The following FSHR variants were observed in gnomAD, a reference collection of about 807,000 sequenced individuals.
FSHR encodes the protein follicle stimulating hormone receptor.
In FSHR, 46 loss-of-function variants were observed where a neutral mutation model predicts 52.1. The observed-to-expected ratio is 0.88, with a 90% CI of 0.70 to 1.13. The LOEUF (loss-of-function observed/expected upper bound fraction) is 1.13, where lower values mean the gene tolerates loss of function less well. FSHR is among the 50% of genes most tolerant of loss of function. The probability of loss-of-function intolerance (pLI) is 0.00; values close to 1 mark genes in which losing one functional copy is unlikely to be tolerated. For missense variants in FSHR, 964 were observed against 834.6 expected (o/e 1.16, Z -1.91); for synonymous variants, 399 against 309.6 (o/e 1.29, Z -3.03).
chr2:49,136,869 A>T (rs1298625707), intron 1 of FSHR, among the ~76,000 whole-genome samples: 1 of 152,128 alleles, frequency 6.6e-6, no homozygotes, highest in Admixed American at 6.6e-5. Flanking sequence ...CCGCAGTCTG[A>T]TAAAAAGTCA....
At chr2:49,034,486 C>G (rs1205816144) in intron 2 of FSHR, among the ~76,000 whole-genome samples, 1 of 152,204 alleles carries the variant, frequency 6.6e-6, no homozygotes, top group Admixed American at 6.5e-5. Flanking sequence ...TTTCCACTTG[C>G]TTATTAGTAG....
intron 1 of FSHR, among the ~76,000 whole-genome samples, chr2:49,138,970 G>T (rs1332610537): frequency 6.6e-6 from 1 of 152,124 alleles, no homozygotes; most frequent in African/African-American, 2.4e-5. Context: ...GTAGTGGGAG[G>T]TCGTCTGTGC....
intron 1 of FSHR, among the ~76,000 whole-genome samples, chr2:49,114,797 T>TG (rs1261774812): frequency 6.6e-6 from 1 of 151,866 alleles, no homozygotes; most frequent in African/African-American, 2.4e-5. Flanking sequence ...CAGAAATTGT[T>TG]GGGGGAGGGG....
At chr2:49,125,318 TA>T (rs34495125) in intron 1 of FSHR, among the ~76,000 whole-genome samples, 28 of 150,220 alleles carry the variant, frequency 1.9e-4, no homozygotes, top group Admixed American at 4.6e-4. Flanking sequence ...GCTGGTGAGC[TA>T]AAAAAAAAAT....
intron 2 of FSHR, 86 bp downstream of exon 2, chr2:49,068,133 G>T: frequency 1.0e-6 from 1 of 993,724 alleles, no homozygotes; most frequent in Non-Finnish European, 1.6e-6. Context: ...CGGCTACTAA[G>T]TGCAGATAGT....
chr2:49,003,244 C>G (rs2104152910), intron 4 of FSHR, among the ~76,000 whole-genome samples: 1 of 152,292 alleles, frequency 6.6e-6, no homozygotes, highest in East Asian at 1.9e-4. Context: ...GCTCCCCTCT[C>G]TACCCAAACA....
At chr2:49,141,435 G>A (rs564862056) in intron 1 of FSHR, among the ~76,000 whole-genome samples, 1 of 152,160 alleles carries the variant, frequency 6.6e-6, no homozygotes, top group African/African-American at 2.4e-5. Flanking sequence ...GGAATCCCAC[G>A]TGGCAGAGCA....
At chr2:49,102,550 C>T (rs1055098721) in intron 1 of FSHR, among the ~76,000 whole-genome samples, 3 of 152,104 alleles carry the variant, frequency 2.0e-5, no homozygotes, top group Non-Finnish European at 4.4e-5. Flanking sequence ...CAGTCAAATG[C>T]TCACTAGGGT....
rs1558456723 is a variant in FSHR at position 49,127,836 on chromosome 2, T to TTCC, written c.152+26429_152+26430insGGA. ...CTTCTTCTTCTTCTTCTTCCTCTTC[T>TTCC]TCTTCTTCTTCTTCTTCTTCTTCTT... is the stretch of plus-strand genomic sequence containing the variant. On this transcript the variant is annotated intron_variant, in intron 1 of 9. Transcript: ENST00000406846. Among the ~76,000 whole-genome samples the TTCC allele has an allele frequency of 1.4e-3, 17 of 11,762 alleles. 1 individual carries two copies. Among genetic ancestry groups the TTCC allele is most frequent in the East Asian group, 5.4e-3 (1 of 186 alleles). The allele number at this position is 11,762 out of a possible 152,430, so 7.7% of individuals were successfully genotyped here. A position where few individuals can be genotyped will look rare whatever the true frequency, so the allele number is the denominator to read the frequency against.
chr2:49,063,425 G>T (rs1260601742), intron 2 of FSHR, among the ~76,000 whole-genome samples: 8 of 139,690 alleles, frequency 5.7e-5, no homozygotes, highest in African/African-American at 2.0e-4. Flanking sequence ...AATGAATAAA[G>T]AAAATGCTAT....
intron 1 of FSHR, among the ~76,000 whole-genome samples, chr2:49,111,234 A>G (rs1671411195): frequency 6.6e-6 from 1 of 152,172 alleles, no homozygotes; most frequent in African/African-American, 2.4e-5. Context: ...ATAACCAGGC[A>G]TTACTTTATT....
chr2:49,051,476 T>TA lies in FSHR; in HGVS notation c.224+16742dup, dbSNP rs556961645. Among the ~76,000 whole-genome samples, 25 of 152,296 alleles carry TA rather than the reference T, an allele frequency of 1.6e-4. No individual in the cohort carries two copies. The South Asian group carries it at 5.0e-3, about 30-fold the overall frequency. ...TTCGTATGCTTATTGCCGATTCGTG[T>TA]ATCTTTTTTTGTGAAGTATCTGTTC... On this transcript the variant is annotated intron_variant, in intron 2 of 9. Transcript: ENST00000406846.
intron 1 of FSHR, among the ~76,000 whole-genome samples, chr2:49,132,749 A>C (rs1298970919): frequency 6.6e-6 from 1 of 151,954 alleles, no homozygotes; most frequent in South Asian, 2.1e-4. Flanking sequence ...GCTTCTTTCA[A>C]CCACAACCCA....
intron 1 of FSHR, among the ~76,000 whole-genome samples, chr2:49,131,096 G>A (rs1224534989): frequency 6.6e-6 from 1 of 152,050 alleles, no homozygotes; most frequent in Non-Finnish European, 1.5e-5. Context: ...AGTAGCTGGT[G>A]GACTGCTCAC....
intron 1 of FSHR, among the ~76,000 whole-genome samples, chr2:49,147,850 A>G (rs1205849765): frequency 6.6e-6 from 1 of 151,890 alleles, no homozygotes; most frequent in Non-Finnish European, 1.5e-5. Flanking sequence ...TTATGTCAAG[A>G]GAAAGGATTA....
At chr2:48,967,493 A>T (rs925538096) in intron 9 of FSHR, among the ~76,000 whole-genome samples, 2 of 152,188 alleles carry the variant, frequency 1.3e-5, no homozygotes, top group African/African-American at 4.8e-5. Flanking sequence ...AATAATTCTT[A>T]TCTGGAATAT....
Position 49,154,337 on chromosome 2 carries a change from G to C in FSHR, c.81C>G (p.Asn27Lys). The C allele has an allele frequency of 6.2e-7, 1 of 1,613,856 alleles. No homozygotes were observed. Among genetic ancestry groups the C allele is most frequent in the Non-Finnish European group, 8.5e-7 (1 of 1,179,896 alleles). ...TGCTCTCTTGGCAGAGAAAAACCCT[G>C]TTAGAGCAGTGACAGATCCGATGAT... ...GCHHRICHCS[N>K]RVFLCQESKV... Residue 27 changes from asparagine to lysine, a missense_variant, in exon 1 of 10, where the codon AAC becomes AAG. Transcript: ENST00000406846.
At chr2:49,022,376 G>T (rs576003155) in intron 2 of FSHR, among the ~76,000 whole-genome samples, 1 of 152,250 alleles carries the variant, frequency 6.6e-6, no homozygotes, top group Admixed American at 6.5e-5. Context: ...AGGTGTTAGG[G>T]TTGGGTAGGG....
intron 1 of FSHR, among the ~76,000 whole-genome samples, chr2:49,153,197 G>A (rs1163827983): frequency 2.0e-5 from 3 of 152,212 alleles, no homozygotes; most frequent in African/African-American, 7.2e-5. Context: ...TATGGCAATT[G>A]GTGAACTAAA....
Sources: gnomAD v4.1 joint callset for allele counts (sites outside exome capture counted in the v4.1 genomes callset) on GRCh38, gnomAD v4.1.1 for gene constraint, MANE v1.5 for transcripts, NCBI Gene and HGNC (gene_info 2026-07-23, HGNC 2026-07-21) for gene names.